PTPRG: variants seen among roughly 807,000 people sequenced by gnomAD.
PTPRG encodes the protein protein tyrosine phosphatase receptor type G, also known as receptor-type tyrosine-protein phosphatase gamma.
In PTPRG, 102 loss-of-function variants were observed where a neutral mutation model predicts 165.3. That is an observed-to-expected ratio of 0.62 (90% CI 0.53 to 0.73). The LOEUF is 0.73. Ranked by LOEUF, PTPRG falls within the 30% of genes least tolerant of loss-of-function variation. The pLI is 0.00. For synonymous variants in PTPRG, 675 were observed against 669.5 expected (o/e 1.01, Z -0.13); for missense variants, 1,866 against 1,861.4 (o/e 1.00, Z -0.05).
At chr3:61,786,690 T>G (rs2034714553) in intron 2 of PTPRG, among the ~76,000 whole-genome samples, 1 of 152,234 alleles carries the variant, frequency 6.6e-6, no homozygotes, top group Admixed American at 6.5e-5. Flanking sequence ...ATTTTTATAC[T>G]TATGTCTCAT....
intron 2 of PTPRG, among the ~76,000 whole-genome samples, chr3:61,913,042 A>G (rs894430400): frequency 6.6e-6 from 1 of 152,326 alleles, no homozygotes; most frequent in South Asian, 2.1e-4. Flanking sequence ...GCTGCATATC[A>G]GAGCAAGGGA....
chr3:62,186,621 C>T (rs1253954225), intron 8 of PTPRG, among the ~76,000 whole-genome samples: 3 of 144,900 alleles, frequency 2.1e-5, no homozygotes, highest in African/African-American at 2.6e-5. Flanking sequence ...GGCTGGAGCA[C>T]AGTGGCATGA....
intron 21 of PTPRG, among the ~76,000 whole-genome samples, chr3:62,272,636 G>A (rs890371120): frequency 6.6e-5 from 10 of 152,238 alleles, no homozygotes; most frequent in African/African-American, 2.4e-4. Context: ...CTGAGGTCAG[G>A]AGTTCGATAC....
chr3:61,598,745 G>C (rs1014575716), intron 1 of PTPRG, among the ~76,000 whole-genome samples: 1 of 152,182 alleles, frequency 6.6e-6, no homozygotes, highest in African/African-American at 2.4e-5. Context: ...AGAAATCTGA[G>C]AGTGTAGGCA....
rs536927327 is a variant in PTPRG at position 62,192,454 on chromosome 3, G to A, written c.1218+801G>A. 1.8e-3 allele frequency among the ~76,000 whole-genome samples: 236 copies of A among 127,794 alleles called. 1 individual carries two copies. The highest frequency in any genetic ancestry group is 2.7e-3 in the Admixed American group (28 of 10,320). 83.8% of individuals were successfully genotyped at this position (127,794 alleles called of 152,430 possible). ...GACAGAGTCTTGCTCTGTCGCCCAG[G>A]CTGGAGTGCAGTGGCGCAATCTCGG... On this transcript the variant is annotated intron_variant, in intron 9 of 29. Coordinates refer to ENST00000474889, the MANE Select transcript of PTPRG (RefSeq NM_002841.4).
At chr3:62,008,860 T>G (rs1460217835) in intron 4 of PTPRG, among the ~76,000 whole-genome samples, 1 of 152,190 alleles carries the variant, frequency 6.6e-6, no homozygotes, top group East Asian at 1.9e-4. Flanking sequence ...CAGGTGGTAA[T>G]GCTCCTTGCC....
At chr3:61,569,328 C>A (rs572044935) in intron 1 of PTPRG, among the ~76,000 whole-genome samples, 2 of 152,252 alleles carry the variant, frequency 1.3e-5, no homozygotes, top group South Asian at 4.2e-4. Flanking sequence ...CTCTCTGTGC[C>A]TCATTATTTT....
At chr3:62,097,820 A>C (rs2106816834) in intron 5 of PTPRG, among the ~76,000 whole-genome samples, 1 of 152,348 alleles carries the variant, frequency 6.6e-6, no homozygotes, top group Non-Finnish European at 1.5e-5. Flanking sequence ...AGCATGGCCA[A>C]ACATTATCTC....
At chr3:61,749,905 T>A (rs573565762) in intron 2 of PTPRG, 1 of 152,072 alleles carries the variant, frequency 6.6e-6, no homozygotes, top group Non-Finnish European at 1.5e-5. Context: ...ATAATGATGC[T>A]CGGGTTTAAA....
intron 5 of PTPRG, among the ~76,000 whole-genome samples, chr3:62,080,189 T>C (rs1211493423): frequency 6.6e-6 from 1 of 151,016 alleles, no homozygotes; most frequent in African/African-American, 2.4e-5. Context: ...TGCCTCAGCC[T>C]CCTGAGTAGC....
chr3:61,896,447 C>A (rs1022687224), intron 2 of PTPRG, among the ~76,000 whole-genome samples: 2 of 151,176 alleles, frequency 1.3e-5, no homozygotes, highest in African/African-American at 4.9e-5. Context: ...TTTAACCTTT[C>A]ACTTATTGAA....
In PTPRG at chr3:62,271,384, G is replaced by C; in HGVS notation, c.3011G>C (p.Gly1004Ala). 6.3e-7 allele frequency: 1 copy of C among 1,598,652 alleles called. No homozygotes were observed. The highest frequency in any genetic ancestry group is 8.5e-7 in the Non-Finnish European group (1 of 1,173,642). The stretch of plus-strand genomic sequence containing the variant: ...CATCTTTTTTCACTTTTCTCACAGG[G>C]TCAGAAGGGAAATCCCAAGGGTCGT... ...FSIRNTKVKK[G>A]QKGNPKGRQN... The change falls in exon 21 of 30, where the codon GGT becomes GCT. Residue 1004 changes from glycine to alanine, a missense_variant and splice_region_variant. Gly to Ala is a moderately conservative substitution (Grantham distance 60, BLOSUM62 0). Around this residue, in one of 3 missense-constraint regions of PTPRG, gnomAD observed 1,452 missense variants for 1,463.0 expected, o/e 0.99. Coordinates refer to ENST00000474889, the MANE Select transcript of PTPRG (RefSeq NM_002841.4). The surrounding 1 kb of genome is among the most constrained non-coding windows in gnomAD (Gnocchi z 4.1).
chr3:61,880,067 G>A (rs879002395), intron 2 of PTPRG, among the ~76,000 whole-genome samples: 1 of 152,310 alleles, frequency 6.6e-6, no homozygotes, highest in Middle Eastern at 3.4e-3. Flanking sequence ...TCATGAGACA[G>A]CACCACTAGT....
At chr3:61,576,322 C>T (rs1435328966) in intron 1 of PTPRG, among the ~76,000 whole-genome samples, 1 of 152,152 alleles carries the variant, frequency 6.6e-6, no homozygotes, top group Non-Finnish European at 1.5e-5. Flanking sequence ...ATTATCAGCA[C>T]GAGTAGGGTA....
At chr3:61,722,027 G>T (rs546299277) in intron 1 of PTPRG, among the ~76,000 whole-genome samples, 96 of 152,220 alleles carry the variant, frequency 6.3e-4, no homozygotes, top group African/African-American at 2.3e-3. Flanking sequence ...GGGCCCTTGA[G>T]CTTGTCTTAA....
intron 2 of PTPRG, among the ~76,000 whole-genome samples, chr3:61,925,242 GACCCATC>G (rs1457935467): frequency 6.6e-6 from 1 of 152,170 alleles, no homozygotes; most frequent in Non-Finnish European, 1.5e-5. Flanking sequence ...GCATTCTGCT[GACCCATC>G]ACCTTGGTGC....
At chr3:61,685,039 G>A (rs1050366644) in intron 1 of PTPRG, among the ~76,000 whole-genome samples, 12 of 151,844 alleles carry the variant, frequency 7.9e-5, no homozygotes, top group African/African-American at 2.7e-4. Flanking sequence ...TCCTCCTCCC[G>A]CTCTCCTTCT....
intron 4 of PTPRG, among the ~76,000 whole-genome samples, chr3:62,048,759 A>C (rs1700376240): frequency 6.6e-6 from 1 of 152,206 alleles, no homozygotes. Context: ...AGTTTCCTGC[A>C]TTACATAATT....
chr3:61,721,257 G>A (rs1354029720), intron 1 of PTPRG, among the ~76,000 whole-genome samples: 5 of 152,122 alleles, frequency 3.3e-5, no homozygotes, highest in East Asian at 1.9e-4. Context: ...CTATTTTAGC[G>A]CTTTAAGTAA....
Sources: allele counts gnomAD v4.1 joint callset (sites outside exome capture counted in the v4.1 genomes callset), GRCh38; gene constraint gnomAD v4.1.1; regional missense constraint gnomAD v4.1.1; non-coding constraint Gnocchi (gnomAD v3.1); transcripts MANE v1.5; gene names NCBI Gene and HGNC (gene_info 2026-07-23, HGNC 2026-07-21).